THRA: variants seen among roughly 807,000 people sequenced by gnomAD.
THRA encodes the protein thyroid hormone receptor alpha, also known as EAR-7.
Under a neutral mutation model 45.0 loss-of-function variants are expected in THRA, and 13 were observed. The observed-to-expected ratio is 0.29, with a 90% CI of 0.19 to 0.46. The LOEUF (loss-of-function observed/expected upper bound fraction) is 0.46. Among genes scored for constraint, THRA ranks in the 20% least tolerant of loss-of-function variants. The pLI is 1.00. For missense variants in THRA, 278 were observed against 556.1 expected, an observed-to-expected ratio of 0.50 and a Z score of 5.03; for synonymous variants, 195 against 214.0, an observed-to-expected ratio of 0.91 and a Z score of 0.78.
At position 40,089,453 on chromosome 17, in the gene THRA, C is replaced by T; in HGVS notation, c.1230C>T (p.Val410=). ...TCGAGGTCTTTGAGGATCAGGAAGT[C>T]TAAAGCCTCAGGCGGCCAGAGGGTG... The part of the protein sequence containing the change: ...LFLEVFEDQE[V] Residue 410 remains valine (V), a synonymous_variant, in exon 9 of 9, where the codon GTC becomes GTT. Coordinates refer to ENST00000450525, the MANE Select transcript of THRA (RefSeq NM_199334.5). This position sits in a 1 kb window ranked among gnomAD's most constrained non-coding sequence, Gnocchi z 6.1. 1 of 1,613,994 alleles carries T rather than the reference C, an allele frequency of 6.2e-7. No homozygotes were observed. Among genetic ancestry groups the T allele is most frequent in the Non-Finnish European group, 8.5e-7 (1 of 1,179,940 alleles).
At chr17:40,093,610 T>C, downstream of THRA, 1 of 726,412 alleles carries the variant, frequency 1.4e-6, no homozygotes, top group Non-Finnish European at 2.2e-6. The surrounding 1 kb of genome is among the most constrained non-coding windows in gnomAD (Gnocchi z 5.9). Context: ...CCCCTTTCTC[T>C]GCCTGGCAAC....
rs1987639897 is a variant in THRA at position 40,092,958 on chromosome 17, T to A, written c.*3502T>A. ...GGCTCAGGGGGCCAGAGGCTCATCT[T>A]GGAATATTTTATAACAATATAAATA... On this transcript the variant is annotated 3_prime_UTR_variant, in exon 9 of 9. Coordinates refer to ENST00000450525, the MANE Select transcript of THRA (RefSeq NM_199334.5). 2 of 1,563,666 alleles carry A rather than the reference T, an allele frequency of 1.3e-6. No individual in the cohort carries two copies. Among genetic ancestry groups the A allele is most frequent in the African/African-American group, 1.4e-5 (1 of 73,048 alleles).
intron 1 of THRA, among the ~76,000 whole-genome samples, chr17:40,069,367 G>A (rs1180403524): frequency 2.0e-5 from 3 of 150,348 alleles, no homozygotes; most frequent in Non-Finnish European, 4.4e-5. Flanking sequence ...GTGCCTGGGA[G>A]AACATCCCTC....
At chr17:40,074,621 G>A (rs906941249) in intron 2 of THRA, 80 bp downstream of exon 2, 21 of 1,488,636 alleles carry the variant, frequency 1.4e-5, no homozygotes, top group East Asian at 2.3e-5. Flanking sequence ...TTTAGGCACC[G>A]CCTTTAAGCA....
intron 2 of THRA, among the ~76,000 whole-genome samples, chr17:40,076,452 A>T (rs1418506322): frequency 6.6e-6 from 1 of 152,186 alleles, no homozygotes; most frequent in Non-Finnish European, 1.5e-5. Context: ...ATGGGTTTAT[A>T]GTGAAGGTTG....
At chr17:40,065,297 G>C (rs1252313598) in intron 1 of THRA, among the ~76,000 whole-genome samples, 2 of 152,066 alleles carry the variant, frequency 1.3e-5, no homozygotes, top group East Asian at 3.9e-4. Flanking sequence ...GTCACTTCCA[G>C]CTGAGTTCCT....
At chr17:40,079,502 C>T (rs991009248) in intron 4 of THRA, among the ~76,000 whole-genome samples, 4 of 152,286 alleles carry the variant, frequency 2.6e-5, no homozygotes, top group Admixed American at 2.6e-4. Context: ...GCCTCTGCAT[C>T]CCAAAGTGCT....
chr17:40,064,876 C>G (rs1001070280), intron 1 of THRA, among the ~76,000 whole-genome samples: 2 of 152,282 alleles, frequency 1.3e-5, no homozygotes, highest in Non-Finnish European at 2.9e-5. Context: ...GGCCCAGGTC[C>G]CCACAGTTGC....
chr17:40,076,474 A>G (rs1986957071), intron 2 of THRA, among the ~76,000 whole-genome samples: 2 of 152,230 alleles, frequency 1.3e-5, no homozygotes, highest in Non-Finnish European at 1.5e-5. Context: ...ATGGTTATTC[A>G]TCTGTGCCGG....
At chr17:40,087,135 A>G (rs905200863) in intron 7 of THRA, 4 of 416,790 alleles carry the variant, frequency 9.6e-6, no homozygotes, top group Non-Finnish European at 1.8e-5. Context: ...ACACAGACAC[A>G]CACACACCTA....
At chr17:40,088,125 C>A (rs941700839) in intron 7 of THRA, 117 bp from the exon 8 acceptor site, 4 of 1,380,778 alleles carry the variant, frequency 2.9e-6, no homozygotes, top group Non-Finnish European at 3.9e-6. Context: ...CAAGGTCAGC[C>A]GTTCAGAGTC....
rs1451686483 is a variant in THRA, at chr17:40,077,743, G to A, written c.222+135G>A. ...ACGGAGTCTCACTCTTGTCCCCCAG[G>A]CTGGAGTGCAGTGGCGCGATCATGG... is the stretch of plus-strand genomic sequence containing the variant. On this transcript the variant is annotated intron_variant, in intron 4 of 8. Transcript: ENST00000450525. 7 of 684,002 alleles carry A rather than the reference G, an allele frequency of 1.0e-5. No individual in the cohort carries two copies. In the African/African-American group the frequency reaches 1.3e-4, roughly 12 times the overall value. The allele number at this position is 684,002 out of a possible 1,614,324, so 42.4% of individuals were successfully genotyped here.
chr17:40,070,958 C>A (rs73985246), intron 1 of THRA, among the ~76,000 whole-genome samples: 4,590 of 151,886 alleles, frequency 0.03, 234 homozygotes, highest in African/African-American at 0.1. Context: ...TACCTCACCC[C>A]TTCTCCCCAT....
At chr17:40,093,306 AG>A, downstream of THRA, 15 of 1,613,450 alleles carry the variant, frequency 9.3e-6, no homozygotes, top group Non-Finnish European at 1.3e-5. The surrounding 1 kb of genome is among the most constrained non-coding windows in gnomAD (Gnocchi z 5.9). Flanking sequence ...GACAGCAGTG[AG>A]GCGGACTCCC....
intron 1 of THRA, among the ~76,000 whole-genome samples, chr17:40,069,707 C>T (rs1377834537): frequency 1.3e-5 from 2 of 151,634 alleles, no homozygotes; most frequent in African/African-American, 2.4e-5. Context: ...GCAGGGGGGG[C>T]GTGAAGTTCT....
chr17:40,073,602 C>A (rs567710647), intron 1 of THRA, among the ~76,000 whole-genome samples: 1 of 152,266 alleles, frequency 6.6e-6, no homozygotes, highest in East Asian at 1.9e-4. Flanking sequence ...CGAGACCTTG[C>A]GTGGGAAGCT....
chr17:40,071,961 A>G (rs890391568), intron 1 of THRA: 7 of 152,148 alleles, frequency 4.6e-5, no homozygotes, highest in Non-Finnish European at 8.8e-5. Flanking sequence ...GCCCACTACC[A>G]GGGGCTGACT....
chr17:40,066,966 C>T (rs983227680), intron 1 of THRA, among the ~76,000 whole-genome samples: 4 of 151,840 alleles, frequency 2.6e-5, no homozygotes, highest in Middle Eastern at 3.4e-3. Context: ...TATATGTGAG[C>T]GGTTGTGATG....
Position 40,089,414 on chromosome 17 carries a change from C to G in THRA, c.1191C>G (p.Phe397Leu). 6.2e-7 allele frequency: 1 copy of G among 1,614,162 alleles called. No homozygotes were observed. Among genetic ancestry groups the G allele is most frequent in the Non-Finnish European group, 8.5e-7 (1 of 1,180,016 alleles). The change falls in exon 9 of 9, where the codon TTC becomes TTG. Residue 397 changes from phenylalanine to leucine, a missense_variant. Physicochemically the swap from Phe to Leu is conservative, Grantham distance 22 (BLOSUM62 0). Transcript: ENST00000450525. The surrounding 1 kb of genome is among the most constrained non-coding windows in gnomAD (Gnocchi z 6.1). ...HMKVECPTEL[F>L]PPLFLEVFED... Reference sequence around the variant, plus strand: ...AAGTCGAGTGCCCCACCGAACTCTTCCCCCCACTCTTCCTCGAGGTCTTTG... The same window carrying G: ...AAGTCGAGTGCCCCACCGAACTCTTGCCCCCACTCTTCCTCGAGGTCTTTG...
Sources: allele counts gnomAD v4.1 joint callset (sites outside exome capture counted in the v4.1 genomes callset), GRCh38; gene constraint gnomAD v4.1.1; non-coding constraint Gnocchi (gnomAD v3.1); transcripts MANE v1.5; gene names NCBI Gene and HGNC (gene_info 2026-07-23, HGNC 2026-07-21).